The following DOCK1 variants were observed in gnomAD, a reference collection of about 807,000 sequenced individuals.
DOCK1 encodes dedicator of cytokinesis protein 1.
DOCK1 carries 138 observed loss-of-function variants against 262.7 expected under a neutral mutation model. The observed-to-expected ratio is 0.53, with a 90% CI of 0.46 to 0.61. DOCK1 has a LOEUF of 0.61. Among genes scored for constraint, DOCK1 ranks in the 20% least tolerant of loss-of-function variants. The pLI is 0.00. For synonymous variants in DOCK1, 866 were observed against 867.4 expected, an observed-to-expected ratio of 1.00 and a Z score of 0.03; for missense variants, 1,908 against 2,370.7, an observed-to-expected ratio of 0.80 and a Z score of 4.05.
chr10:127,420,977 C>T (rs963232058), intron 46 of DOCK1, among the ~76,000 whole-genome samples: 9 of 151,804 alleles, frequency 5.9e-5, no homozygotes, highest in South Asian at 2.1e-4. Flanking sequence ...AGTGCAGTAG[C>T]GTGACCTCAG....
At chr10:127,222,672 T>C (rs990042066) in intron 27 of DOCK1, among the ~76,000 whole-genome samples, 1 of 149,424 alleles carries the variant, frequency 6.7e-6, no homozygotes, top group Non-Finnish European at 1.5e-5. Flanking sequence ...TGTTGTGTTG[T>C]GTTGTGTTGT....
At chr10:126,963,821 C>G (rs2037466186) in intron 1 of DOCK1, among the ~76,000 whole-genome samples, 1 of 151,912 alleles carries the variant, frequency 6.6e-6, no homozygotes, top group African/African-American at 2.4e-5. Context: ...CAGTGTGATA[C>G]AGTAAGTGCT....
chr10:127,369,864 T>C (rs2065115578), intron 33 of DOCK1, among the ~76,000 whole-genome samples: 1 of 152,186 alleles, frequency 6.6e-6, no homozygotes, highest in Non-Finnish European at 1.5e-5. Flanking sequence ...TACATAAAGA[T>C]ATGAATGTGT....
At chr10:126,931,336 T>C (rs1340068546) in intron 1 of DOCK1, among the ~76,000 whole-genome samples, 1 of 152,148 alleles carries the variant, frequency 6.6e-6, no homozygotes, top group East Asian at 1.9e-4. Flanking sequence ...ATTTGCACGC[T>C]GTGCAGCTGT....
chr10:127,288,119 T>C (rs2061224433), intron 29 of DOCK1, among the ~76,000 whole-genome samples: 1 of 152,198 alleles, frequency 6.6e-6, no homozygotes, highest in African/African-American at 2.4e-5. Context: ...AGTAAATTTT[T>C]TTCTTTAATA....
At chr10:127,020,507 T>C (rs1255325396) in intron 13 of DOCK1, among the ~76,000 whole-genome samples, 1 of 150,538 alleles carries the variant, frequency 6.6e-6, no homozygotes, top group Non-Finnish European at 1.5e-5. Flanking sequence ...GTCAAAGCCG[T>C]AGTGAGCCAT....
intron 1 of DOCK1, among the ~76,000 whole-genome samples, chr10:126,934,453 C>T (rs955781021): frequency 6.6e-6 from 1 of 152,240 alleles, no homozygotes; most frequent in Non-Finnish European, 1.5e-5. Context: ...CCATTCGACT[C>T]ACTTTTTCAT....
chr10:127,087,596 A>G (rs2047272760), intron 23 of DOCK1, among the ~76,000 whole-genome samples: 1 of 152,114 alleles, frequency 6.6e-6, no homozygotes, highest in Non-Finnish European at 1.5e-5. Flanking sequence ...AAGTTAGACC[A>G]CAGTCCCCAT....
At chr10:126,963,580 CCTCCCT>C (rs1378891330) in intron 1 of DOCK1, among the ~76,000 whole-genome samples, 23 of 124,476 alleles carry the variant, frequency 1.8e-4, no homozygotes, top group African/African-American at 7.2e-4. Context: ...CCTCTCCTTC[CCTCCCT>C]TCCCTTCCCT....
chr10:127,097,687 G>A (rs1159306300), intron 23 of DOCK1, among the ~76,000 whole-genome samples: 1 of 152,110 alleles, frequency 6.6e-6, no homozygotes, highest in Non-Finnish European at 1.5e-5. Flanking sequence ...ACATAAGCCA[G>A]GACTTAAACT....
In DOCK1 at chr10:127,175,573, C is replaced by T; in HGVS notation, c.2847+47809C>T. The T allele has an allele frequency of 3.1e-6, 5 of 1,611,998 alleles. No individual in the cohort carries two copies. Among genetic ancestry groups the T allele is most frequent in the Non-Finnish European group, 4.2e-6 (5 of 1,179,900 alleles). The stretch of plus-strand genomic sequence containing the variant: ...GGGCAGAGTGACCACTGGCTGGCGG[C>T]TGCAGAGTCTGACAAACCAGGCTCG... On this transcript the variant is annotated intron_variant, in intron 27 of 51. Transcript: ENST00000623213. This position sits in a 1 kb window ranked among gnomAD's most constrained non-coding sequence, Gnocchi z 6.3.
intron 43 of DOCK1, 32 bp from the exon 44 acceptor site, chr10:127,415,120 A>C: frequency 6.3e-7 from 1 of 1,598,864 alleles, no homozygotes; most frequent in Non-Finnish European, 8.6e-7. Flanking sequence ...CATCCTTCTA[A>C]CCCGTGTTGT....
intron 27 of DOCK1, among the ~76,000 whole-genome samples, chr10:127,185,823 C>A (rs990835694): frequency 6.6e-6 from 1 of 152,124 alleles, no homozygotes; most frequent in African/African-American, 2.4e-5. Context: ...AGATGGCACA[C>A]ACACTCACAA....
intron 39 of DOCK1, among the ~76,000 whole-genome samples, 172 bp from the exon 40 acceptor site, chr10:127,404,153 A>G (rs2067378527): frequency 1.3e-5 from 2 of 152,094 alleles, no homozygotes; most frequent in African/African-American, 2.4e-5. Context: ...ATGGAGTGAG[A>G]TGAAATTCAG....
intron 27 of DOCK1, among the ~76,000 whole-genome samples, chr10:127,185,541 G>A (rs1190486275): frequency 2.0e-5 from 3 of 152,112 alleles, no homozygotes; most frequent in African/African-American, 4.8e-5. Context: ...CTTAGAGCTG[G>A]GACCTTAGCT....
intron 23 of DOCK1, among the ~76,000 whole-genome samples, chr10:127,067,138 G>T (rs1299006153): frequency 6.6e-6 from 1 of 152,240 alleles, no homozygotes; most frequent in Non-Finnish European, 1.5e-5. Flanking sequence ...CAAGAATTGG[G>T]TGAGTGTGAA....
At chr10:127,086,308 C>T (rs2047196343) in intron 23 of DOCK1, among the ~76,000 whole-genome samples, 2 of 151,360 alleles carry the variant, frequency 1.3e-5, no homozygotes, top group Admixed American at 6.6e-5. Flanking sequence ...TCCCACATTT[C>T]CCCCCAAATT....
intron 19 of DOCK1, among the ~76,000 whole-genome samples, 176 bp from the exon 20 acceptor site, chr10:127,042,449 C>T (rs2044081158): frequency 6.6e-6 from 1 of 152,124 alleles, no homozygotes; most frequent in African/African-American, 2.4e-5. Context: ...TCTGAATTCG[C>T]TCATCCAAAA....
chr10:127,244,930 C>A (rs2059381873), intron 27 of DOCK1, among the ~76,000 whole-genome samples: 3 of 152,122 alleles, frequency 2.0e-5, no homozygotes, highest in Admixed American at 2.0e-4. Flanking sequence ...TAAAATAAAT[C>A]AGTTAAAGCA....
Sources: allele counts gnomAD v4.1 joint callset (sites outside exome capture counted in the v4.1 genomes callset), GRCh38; gene constraint gnomAD v4.1.1; non-coding constraint Gnocchi (gnomAD v3.1); transcripts MANE v1.5; gene names NCBI Gene and HGNC (gene_info 2026-07-23, HGNC 2026-07-21).